KCTD5: variants seen among roughly 807,000 people sequenced by gnomAD.
The protein encoded by KCTD5 is BTB/POZ domain-containing protein KCTD5.
Under a neutral mutation model 27.9 loss-of-function variants are expected in KCTD5, and 12 were observed. That is an observed-to-expected ratio of 0.43 (90% CI 0.28 to 0.70). The LOEUF (loss-of-function observed/expected upper bound fraction) is 0.70. Among genes scored for constraint, KCTD5 ranks in the 30% least tolerant of loss-of-function variants. The pLI is 0.19. For synonymous variants in KCTD5, 147 were observed against 121.4 expected (o/e 1.21, Z -1.39); for missense variants, 226 against 274.8 (o/e 0.82, Z 1.26).
intron 1 of KCTD5, among the ~76,000 whole-genome samples, chr16:2,691,235 C>T (rs1162426608): frequency 1.3e-5 from 2 of 152,220 alleles, no homozygotes; most frequent in Admixed American, 1.3e-4. Context: ...GTGAGAGCAG[C>T]ACCTCCACAC....
At chr16:2,706,349 G>T (rs1038919515) in intron 5 of KCTD5, among the ~76,000 whole-genome samples, 1 of 152,218 alleles carries the variant, frequency 6.6e-6, no homozygotes. Flanking sequence ...GCCCGGCGAG[G>T]GCGTGGGCGT....
chr16:2,696,634 G>A (rs937037685), intron 2 of KCTD5, among the ~76,000 whole-genome samples: 2 of 152,208 alleles, frequency 1.3e-5, no homozygotes, highest in African/African-American at 4.8e-5. Context: ...TGAAGGCTGA[G>A]GGTTTCTGGG....
chr16:2,699,215 C>T (rs1435396227), intron 3 of KCTD5: 5 of 455,986 alleles, frequency 1.1e-5, no homozygotes, highest in Non-Finnish European at 2.2e-5. Flanking sequence ...CCACCCCGCC[C>T]ACTGGGGAGC....
chr16:2,702,764 CAG>C (rs774241605), intron 5 of KCTD5, among the ~76,000 whole-genome samples: 10 of 150,600 alleles, frequency 6.6e-5, no homozygotes, highest in Non-Finnish European at 1.5e-4. Context: ...GGCTGTGTCT[CAG>C]GGGACCCAGG....
intron 4 of KCTD5, among the ~76,000 whole-genome samples, chr16:2,700,806 C>T (rs1473807905): frequency 2.0e-5 from 3 of 151,476 alleles, no homozygotes; most frequent in South Asian, 4.2e-4. Context: ...ACTTGGAGCC[C>T]CCCCCCCCTT....
chr16:2,702,010 C>T (rs533635402), intron 4 of KCTD5, among the ~76,000 whole-genome samples: 4 of 152,306 alleles, frequency 2.6e-5, no homozygotes, highest in African/African-American at 9.6e-5. Flanking sequence ...GAGCCGCCCT[C>T]CACTCTCCTC....
At position 2,682,524 on chromosome 16, in the gene KCTD5, A is replaced by G; in HGVS notation, c.-25A>G. ...AAGCCGGACGCTTCCGGTGGAAGGGAGCTGTTGCGGGGCTTGCTGGGATCA... is the reference window on the plus strand; with the variant it reads ...AAGCCGGACGCTTCCGGTGGAAGGGGGCTGTTGCGGGGCTTGCTGGGATCA... On this transcript the variant is annotated 5_prime_UTR_variant, in exon 1 of 6. Transcript: ENST00000301738. 7.2e-7 allele frequency: 1 copy of G among 1,384,844 alleles called. No individual in the cohort carries two copies. The highest frequency in any genetic ancestry group is 9.3e-7 in the Non-Finnish European group (1 of 1,069,956). 85.8% of individuals were successfully genotyped at this position (1,384,844 alleles called of 1,614,324 possible).
At chr16:2,695,344 G>A (rs1207557198) in intron 1 of KCTD5, among the ~76,000 whole-genome samples, 3 of 120,874 alleles carry the variant, frequency 2.5e-5, no homozygotes, top group Non-Finnish European at 6.0e-5. Context: ...GGAAAGCCCC[G>A]GATGCTGTTG....
rs1286709901 is a variant in KCTD5, at chr16:2,689,884, C to A, written c.253-6051C>A. ...AGAGACAGGGTTTCACCATGTTGGT[C>A]AGGCTGGTGTTGAACTCCTCACCTC... On this transcript the variant is annotated intron_variant, in intron 1 of 5. Transcript: ENST00000301738. Among the ~76,000 whole-genome samples, 4 of 152,210 alleles carry A rather than the reference C, an allele frequency of 2.6e-5. No individual in the cohort carries two copies. In the South Asian group the frequency reaches 6.2e-4, roughly 24 times the overall value.
intron 4 of KCTD5, among the ~76,000 whole-genome samples, chr16:2,700,320 G>A (rs1267933506): frequency 6.6e-6 from 1 of 152,202 alleles, no homozygotes; most frequent in Non-Finnish European, 1.5e-5. Context: ...GCCTTTCCCA[G>A]GCTGCCTCCC....
At chr16:2,697,861 G>T (rs776668376) in intron 2 of KCTD5, 45 bp from the exon 3 acceptor site, 3 of 1,393,122 alleles carry the variant, frequency 2.2e-6, no homozygotes, top group Middle Eastern at 1.8e-4. Context: ...GGATTCTTTG[G>T]TTTAGTTTGG....
intron 1 of KCTD5, among the ~76,000 whole-genome samples, chr16:2,687,219 C>T (rs554132096): frequency 1.1e-4 from 16 of 152,312 alleles, no homozygotes; most frequent in South Asian, 1.0e-3. Flanking sequence ...GAAAAGGACT[C>T]GACTCTGGTG....
At chr16:2,701,320 C>T (rs1173700209) in intron 4 of KCTD5, among the ~76,000 whole-genome samples, 1 of 152,218 alleles carries the variant, frequency 6.6e-6, no homozygotes, top group Admixed American at 6.5e-5. Context: ...TGTAGGGAAG[C>T]CGCTGGGCTG....
At chr16:2,702,981 G>T (rs1300979759) in intron 5 of KCTD5, among the ~76,000 whole-genome samples, 1 of 152,154 alleles carries the variant, frequency 6.6e-6, no homozygotes, top group Non-Finnish European at 1.5e-5. Context: ...CGAGAGGAGG[G>T]TGTCCTGCAG....
chr16:2,683,113 A>T (rs1483606586), intron 1 of KCTD5: 1 of 308,696 alleles, frequency 3.2e-6, no homozygotes, highest in Non-Finnish European at 6.0e-6. Flanking sequence ...CTTTGCTGTG[A>T]TTCTACTTTC....
Position 2,699,923 on chromosome 16 carries a change from G to T in KCTD5, c.549+7G>T, listed in dbSNP as rs1341491843. On this transcript the variant is annotated splice_region_variant and intron_variant, in intron 4 of 5. Coordinates refer to ENST00000301738, the MANE Select transcript of KCTD5 (RefSeq NM_018992.4). ...CGGCTGGAAGTTCGAGCAGGTGAGG[G>T]GCCCTGGCCAGCCTGGTGGCAGCCA... The T allele has an allele frequency of 2.8e-5, 45 of 1,613,066 alleles. No individual in the cohort carries two copies. The highest frequency in any genetic ancestry group is 3.6e-5 in the Non-Finnish European group (43 of 1,179,500).
intron 2 of KCTD5, 98 bp from the exon 3 acceptor site, chr16:2,697,808 C>G (rs1005814129): frequency 1.2e-5 from 10 of 837,188 alleles, no homozygotes; most frequent in Non-Finnish European, 1.8e-5. Context: ...CATGGGCCCT[C>G]ATTGCAGGGG....
At chr16:2,696,861 G>C (rs1436785676) in intron 2 of KCTD5, among the ~76,000 whole-genome samples, 2 of 152,246 alleles carry the variant, frequency 1.3e-5, no homozygotes, top group Non-Finnish European at 2.9e-5. Context: ...TGTCTCTTTG[G>C]CAGGGAATGT....
At chr16:2,698,476 G>C (rs1430438444) in intron 3 of KCTD5, among the ~76,000 whole-genome samples, 1 of 152,234 alleles carries the variant, frequency 6.6e-6, no homozygotes, top group Admixed American at 6.5e-5. Context: ...CTCACAGCTG[G>C]CACGGCCCTT....
Sources: gnomAD v4.1 joint callset for allele counts (sites outside exome capture counted in the v4.1 genomes callset) on GRCh38, gnomAD v4.1.1 for gene constraint, MANE v1.5 for transcripts, NCBI Gene and HGNC (gene_info 2026-07-23, HGNC 2026-07-21) for gene names.